The following E2F3 variants were observed in gnomAD, a reference collection of about 807,000 sequenced individuals.
E2F3 encodes transcription factor E2F3.
In E2F3, 11 loss-of-function variants were observed where a neutral mutation model predicts 44.4. The observed-to-expected ratio is 0.25, with a 90% confidence interval of 0.16 to 0.41. The LOEUF (loss-of-function observed/expected upper bound fraction) is 0.41, where lower values mean the gene tolerates loss of function less well. Among genes scored for constraint, E2F3 ranks in the 10% least tolerant of loss-of-function variants. E2F3 has a pLI of 1.00. For missense variants in E2F3, 487 were observed against 583.6 expected, an observed-to-expected ratio of 0.83 and a Z score of 1.70; for synonymous variants, 249 against 253.0, an observed-to-expected ratio of 0.98 and a Z score of 0.15.
chr6:20,466,747 A>G (rs1378321823), intron 1 of E2F3, among the ~76,000 whole-genome samples: 2 of 150,206 alleles, frequency 1.3e-5, no homozygotes, highest in Non-Finnish European at 3.0e-5. Context: ...CAGTGGCGCA[A>G]TCTCTGCTCA....
In E2F3 at chr6:20,402,666, G is replaced by T; in HGVS notation, c.393+41G>T. 2.3e-6 allele frequency: 3 copies of T among 1,307,636 alleles called. No individual in the cohort carries two copies. Among genetic ancestry groups the T allele is most frequent in the Non-Finnish European group, 2.9e-6 (3 of 1,033,498 alleles). The allele number at this position is 1,307,636 out of a possible 1,614,324, so 81.0% of individuals were successfully genotyped here. A position where few individuals can be genotyped will look rare whatever the true frequency, so the allele number is the denominator to read the frequency against. ...CCCACCGTCCCCAGCCCCGGCGGGA[G>T]GTGGGCTCGCACCGCGCGGGGTCGT... On this transcript the variant is annotated intron_variant, in intron 1 of 6. Transcript: ENST00000346618. This position sits in a 1 kb window ranked among gnomAD's most constrained non-coding sequence, Gnocchi z 5.6.
At chr6:20,418,212 T>C (rs1054925302) in intron 1 of E2F3, among the ~76,000 whole-genome samples, 3 of 152,152 alleles carry the variant, frequency 2.0e-5, no homozygotes, top group Non-Finnish European at 2.9e-5. Flanking sequence ...ATCTGACTTG[T>C]GGAGTGAAAG....
chr6:20,492,237 C>T lies in E2F3; in HGVS notation c.*1807C>T, dbSNP rs1581667359. The T allele has an allele frequency of 8.7e-6, 2 of 230,128 alleles. No individual in the cohort carries two copies. Among genetic ancestry groups the T allele is most frequent in the East Asian group, 1.2e-4 (2 of 16,164 alleles). 14.3% of individuals were successfully genotyped at this position (230,128 alleles called of 1,614,324 possible). ...ACAATATGCAAAGTGGTGGTGGGGT[C>T]AAGACAGATGACACCAGCACTTTAA... On this transcript the variant is annotated 3_prime_UTR_variant, in exon 7 of 7. Coordinates refer to ENST00000346618, the MANE Select transcript of E2F3 (RefSeq NM_001949.5).
intron 1 of E2F3, among the ~76,000 whole-genome samples, chr6:20,478,257 T>G (rs1762109874): frequency 6.6e-6 from 1 of 152,112 alleles, no homozygotes; most frequent in Non-Finnish European, 1.5e-5. Context: ...AAGGGTCAGT[T>G]GTATTTTATT....
At chr6:20,416,316 G>A (rs548157542) in intron 1 of E2F3, among the ~76,000 whole-genome samples, 4 of 152,240 alleles carry the variant, frequency 2.6e-5, no homozygotes, top group East Asian at 1.9e-4. Context: ...CCACAGGGCC[G>A]GCTGACCCAT....
chr6:20,463,060 T>C (rs942176277), intron 1 of E2F3, among the ~76,000 whole-genome samples: 4 of 151,682 alleles, frequency 2.6e-5, no homozygotes, highest in African/African-American at 9.7e-5. Flanking sequence ...AGTGGTGGGA[T>C]TACAGGTGTG....
intron 1 of E2F3, among the ~76,000 whole-genome samples, chr6:20,464,918 A>G (rs1009682171): frequency 1.3e-5 from 2 of 152,220 alleles, no homozygotes; most frequent in Admixed American, 1.3e-4. Context: ...CCCTGGACAG[A>G]CATAATATCC....
At chr6:20,439,158 A>G (rs1337288172) in intron 1 of E2F3, among the ~76,000 whole-genome samples, 3 of 152,316 alleles carry the variant, frequency 2.0e-5, no homozygotes, top group Non-Finnish European at 2.9e-5. Context: ...TCCTAACTAA[A>G]TGGAAACTCC....
Position 20,482,969 on chromosome 6 carries a change from T to C in E2F3, c.884+49T>C, listed in dbSNP as rs755997973. On this transcript the variant is annotated intron_variant, in intron 4 of 6. Coordinates refer to ENST00000346618, the MANE Select transcript of E2F3 (RefSeq NM_001949.5). ...CTGGGGGTTAGTGCTTCCTAGACTA[T>C]TTCCAGAGTTGACAATCTGACTTAT... 5.6e-6 allele frequency: 9 copies of C among 1,609,994 alleles called. No individual in the cohort carries two copies. In the South Asian group the frequency reaches 8.8e-5, roughly 16 times the overall value.
chr6:20,477,702 G>T (rs1762092079), intron 1 of E2F3, among the ~76,000 whole-genome samples: 2 of 152,048 alleles, frequency 1.3e-5, no homozygotes, highest in Admixed American at 1.3e-4. Context: ...GAAGGCATAT[G>T]GGCATATAAA....
At chr6:20,486,876 C>T (rs1157440742) in intron 5 of E2F3, 73 bp downstream of exon 5, 1 of 977,626 alleles carries the variant, frequency 1.0e-6, no homozygotes, top group Non-Finnish European at 1.6e-6. Context: ...CTCATTGACT[C>T]ATAGTTAAAG....
chr6:20,451,582 G>T (rs1295491719), intron 1 of E2F3, among the ~76,000 whole-genome samples: 1 of 152,118 alleles, frequency 6.6e-6, no homozygotes, highest in African/African-American at 2.4e-5. Flanking sequence ...TCTGGCCAGG[G>T]CTTCCAATAT....
rs907741185 is a variant in E2F3, at chr6:20,457,407, G to C, written c.394-22439G>C. On this transcript the variant is annotated intron_variant, in intron 1 of 6. Coordinates refer to ENST00000346618, the MANE Select transcript of E2F3 (RefSeq NM_001949.5). Reference sequence around the variant, plus strand: ...TTTCACCATGTTGGCCAGGCTGCTCGATCTCTTGACCTCAGGTAATCCGAC... The same window carrying C: ...TTTCACCATGTTGGCCAGGCTGCTCCATCTCTTGACCTCAGGTAATCCGAC... Among the ~76,000 whole-genome samples, 8 of 133,340 alleles carry C rather than the reference G, an allele frequency of 6.0e-5. No homozygotes were observed. In the South Asian group the frequency reaches 1.9e-3, roughly 31 times the overall value. 87.5% of individuals were successfully genotyped at this position (133,340 alleles called of 152,430 possible).
chr6:20,481,237 T>C lies in E2F3; in HGVS notation c.537T>C (p.Tyr179=). 6.2e-7 allele frequency: 1 copy of C among 1,614,186 alleles called. No homozygotes were observed. Among genetic ancestry groups the C allele is most frequent in the Non-Finnish European group, 8.5e-7 (1 of 1,180,026 alleles). The change falls in exon 3 of 7, where the codon TAT becomes TAC. Residue 179 remains tyrosine, a synonymous_variant. Coordinates refer to ENST00000346618, the MANE Select transcript of E2F3 (RefSeq NM_001949.5). ...TPKSPSEKTR[Y]DTSLGLLTKK... ...AATCTCCCTCAGAAAAAACGCGGTA[T>C]GATACGTCTCTTGGTCTGCTCACCA...
At chr6:20,404,302 CTCTTTT>C (rs1759419164) in intron 1 of E2F3, among the ~76,000 whole-genome samples, 2 of 152,172 alleles carry the variant, frequency 1.3e-5, no homozygotes, top group Non-Finnish European at 2.9e-5. Context: ...TATGCGGCTT[CTCTTTT>C]TGTTGGTACT....
chr6:20,445,429 G>A (rs1017213377), intron 1 of E2F3, among the ~76,000 whole-genome samples: 2 of 151,988 alleles, frequency 1.3e-5, no homozygotes, highest in Non-Finnish European at 1.5e-5. Context: ...CAGTAGAGAC[G>A]GGGTTTCACC....
intron 1 of E2F3, among the ~76,000 whole-genome samples, chr6:20,412,913 T>C (rs1327699366): frequency 6.6e-6 from 1 of 152,220 alleles, no homozygotes; most frequent in Non-Finnish European, 1.5e-5. Flanking sequence ...CTAATGTTTA[T>C]CGAGTGCCCG....
chr6:20,488,630 CT>C (rs1436645731), intron 6 of E2F3, among the ~76,000 whole-genome samples: 2 of 152,086 alleles, frequency 1.3e-5, no homozygotes, highest in African/African-American at 4.8e-5. Context: ...GGAGAAAAGC[CT>C]TTGTTGGAGA....
Position 20,488,195 on chromosome 6 carries a change from T to C in E2F3, c.1082T>C (p.Met361Thr). The C allele has an allele frequency of 6.2e-7, 1 of 1,611,758 alleles. No individual in the cohort carries two copies. The highest frequency in any genetic ancestry group is 1.7e-4 in the Middle Eastern group (1 of 6,048). ...CPEETETHSP[M>T]KTNNQDHNGN... is the part of the protein sequence containing the mutation. ...GAAGAGACTGAAACACACAGTCCAA[T>C]GAAAACAAACAACCAAGACCACAAT... The change falls in exon 6 of 7, where the codon ATG (methionine) becomes ACG (threonine). Residue 361 changes from methionine to threonine, a missense_variant. Transcript: ENST00000346618.
Sources: gnomAD v4.1 joint callset for allele counts (sites outside exome capture counted in the v4.1 genomes callset) on GRCh38, gnomAD v4.1.1 for gene constraint, Gnocchi (gnomAD v3.1) non-coding constraint, MANE v1.5 for transcripts, NCBI Gene and HGNC (gene_info 2026-07-23, HGNC 2026-07-21) for gene names.